The following SDK1 variants were observed in gnomAD, a reference collection of about 807,000 sequenced individuals.
The protein encoded by SDK1 is protein sidekick-1.
In SDK1, 157 loss-of-function variants were observed where a neutral mutation model predicts 245.5. That is an observed-to-expected ratio of 0.64 (90% confidence interval 0.56 to 0.73). SDK1 has a LOEUF of 0.73. Among genes scored for constraint, SDK1 ranks in the 30% least tolerant of loss-of-function variants. SDK1 has a pLI of 0.00. For synonymous variants in SDK1, 1,647 were observed against 1,278.5 expected (o/e 1.29, Z -6.15); for missense variants, 3,583 against 3,002.3 (o/e 1.19, Z -4.52).
intron 1 of SDK1, among the ~76,000 whole-genome samples, chr7:3,359,220 C>T (rs1207196749): frequency 6.6e-6 from 1 of 152,130 alleles, no homozygotes; most frequent in Non-Finnish European, 1.5e-5. Context: ...TGCCAAGTGG[C>T]CCCCTTCCTG....
rs1583664566 is a variant in SDK1, at chr7:3,967,371, A to G, written c.1483A>G (p.Met495Val). 4 of 1,614,034 alleles carry G rather than the reference A, an allele frequency of 2.5e-6. No individual in the cohort carries two copies. The highest frequency in any genetic ancestry group is 1.1e-5 in the South Asian group (1 of 91,086). ...AGTGGACACCACAGTTACTGACGGGATGACAGCCATTCTAAGGTGTGAGGT... is the reference window on the plus strand; with the variant it reads ...AGTGGACACCACAGTTACTGACGGGGTGACAGCCATTCTAAGGTGTGAGGT... ...RPVDTTVTDG[M>V]TAILRCEVSG... The change falls in exon 10 of 45, where the codon ATG becomes GTG. Residue 495 changes from methionine to valine, a missense_variant. Transcript: ENST00000404826.
chr7:3,443,496 A>G lies in SDK1; in HGVS notation c.298+141612A>G, dbSNP rs73293166. On this transcript the variant is annotated intron_variant, in intron 1 of 44. Coordinates refer to ENST00000404826, the MANE Select transcript of SDK1 (RefSeq NM_152744.4). ...CTGAATATTTTCCAGCTTGTAATTAACTGCACAGATGATGTGATCTGATTT... is the reference window on the plus strand; with the variant it reads ...CTGAATATTTTCCAGCTTGTAATTAGCTGCACAGATGATGTGATCTGATTT... 3.9e-3 allele frequency among the ~76,000 whole-genome samples: 590 copies of G among 152,292 alleles called. 6 individuals carry two copies. Among genetic ancestry groups the G allele is most frequent in the African/African-American group, 0.014 (579 of 41,570 alleles).
chr7:3,467,887 A>T (rs1023576751), intron 1 of SDK1, among the ~76,000 whole-genome samples: 1 of 152,150 alleles, frequency 6.6e-6, no homozygotes, highest in East Asian at 1.9e-4. Context: ...CTGAAAATGC[A>T]TCACAAGTTT....
At chr7:4,108,702 C>A (rs549914543) in intron 22 of SDK1, among the ~76,000 whole-genome samples, 79 of 152,210 alleles carry the variant, frequency 5.2e-4, no homozygotes, top group Non-Finnish European at 9.1e-4. Flanking sequence ...ATAAAATTAA[C>A]CATTTTAAAG....
intron 5 of SDK1, among the ~76,000 whole-genome samples, chr7:3,905,918 C>G (rs762181293): frequency 1.3e-5 from 2 of 152,208 alleles, no homozygotes; most frequent in African/African-American, 2.4e-5. Context: ...GCCACTGTAC[C>G]TGGCCTCAGT....
chr7:3,629,037 A>T (rs572916950), intron 2 of SDK1, among the ~76,000 whole-genome samples: 1 of 152,126 alleles, frequency 6.6e-6, no homozygotes, highest in East Asian at 1.9e-4. Flanking sequence ...TCACACCTAT[A>T]ATCCCAGCAC....
chr7:3,522,109 A>T (rs1193000158), intron 1 of SDK1, among the ~76,000 whole-genome samples: 2 of 150,378 alleles, frequency 1.3e-5, no homozygotes, highest in South Asian at 2.1e-4. Flanking sequence ...TACTTCATTA[A>T]CTCCTTCATT....
chr7:3,405,852 G>A (rs1230448670), intron 1 of SDK1, among the ~76,000 whole-genome samples: 3 of 128,840 alleles, frequency 2.3e-5, no homozygotes, highest in Admixed American at 9.0e-5. Flanking sequence ...TTGCTTTGTC[G>A]CCCAGGCTAT....
chr7:4,114,275 G>A lies in SDK1; in HGVS notation c.3823+1G>A, dbSNP rs1178173746. ...GTGCGGGGCCGGACGCGGGAGTCAG[G>A]TGAGGGGAAGGCGATTCCCATCCTG... On this transcript the variant is annotated splice_donor_variant, in intron 25 of 44. Transcript: ENST00000404826. LOFTEE classifies it high-confidence loss of function. 1 of 1,593,634 alleles carries A rather than the reference G, an allele frequency of 6.3e-7. No individual in the cohort carries two copies. Among genetic ancestry groups the A allele is most frequent in the South Asian group, 1.1e-5 (1 of 89,218 alleles).
intron 4 of SDK1, among the ~76,000 whole-genome samples, chr7:3,696,045 C>T (rs560015062): frequency 9.9e-5 from 15 of 152,280 alleles, no homozygotes; most frequent in South Asian, 2.1e-4. Context: ...CTCTTCTCCG[C>T]GTTCCGGTTT....
intron 1 of SDK1, among the ~76,000 whole-genome samples, chr7:3,524,892 A>C (rs1246607475): frequency 2.0e-5 from 3 of 152,196 alleles, no homozygotes; most frequent in Non-Finnish European, 4.4e-5. Flanking sequence ...CACATCTGTA[A>C]TCCCAGCAGA....
intron 5 of SDK1, 92 bp from the exon 6 acceptor site, chr7:3,950,831 C>A: frequency 1.1e-6 from 1 of 898,850 alleles, no homozygotes; most frequent in Non-Finnish European, 1.8e-6. Flanking sequence ...TTTAGGTATC[C>A]CCGGGGGTCT....
intron 8 of SDK1, among the ~76,000 whole-genome samples, chr7:3,961,109 T>C (rs1223403844): frequency 2.6e-5 from 4 of 152,260 alleles, no homozygotes; most frequent in Non-Finnish European, 4.4e-5. Context: ...GACTTACAAA[T>C]ATAGAGACAA....
intron 1 of SDK1, among the ~76,000 whole-genome samples, chr7:3,332,250 C>G (rs1049769307): frequency 6.6e-6 from 1 of 152,016 alleles, no homozygotes; most frequent in African/African-American, 2.4e-5. Context: ...ATTTTATTCT[C>G]GATGATTAAT....
chr7:3,418,522 G>A (rs1039239676), intron 1 of SDK1, among the ~76,000 whole-genome samples: 1 of 151,588 alleles, frequency 6.6e-6, no homozygotes, highest in African/African-American at 2.4e-5. Flanking sequence ...AAGACAGGTG[G>A]CATAAAAAAA....
At chr7:4,031,895 T>G (rs1418528045) in intron 17 of SDK1, among the ~76,000 whole-genome samples, 1 of 151,884 alleles carries the variant, frequency 6.6e-6, no homozygotes, top group African/African-American at 2.4e-5. Context: ...GGCATGGTGG[T>G]GCACGCCTAT....
intron 2 of SDK1, among the ~76,000 whole-genome samples, chr7:3,621,042 C>T (rs886995893): frequency 6.6e-6 from 1 of 152,118 alleles, no homozygotes; most frequent in Non-Finnish European, 1.5e-5. Context: ...GAGCCCTCCC[C>T]TCCCGTAAGT....
intron 22 of SDK1, among the ~76,000 whole-genome samples, chr7:4,105,732 T>C (rs112134190): frequency 0.01 from 1,553 of 152,278 alleles, 17 homozygotes; most frequent in Middle Eastern, 0.017. Context: ...AGTGAGAGGC[T>C]AAGAGGGATG....
chr7:4,126,317 A>T (rs1784387599), intron 25 of SDK1, among the ~76,000 whole-genome samples: 1 of 152,254 alleles, frequency 6.6e-6, no homozygotes, highest in Non-Finnish European at 1.5e-5. Context: ...CTTGTTTTTA[A>T]AGTTTCACTG....
Sources: gnomAD v4.1 joint callset for allele counts (sites outside exome capture counted in the v4.1 genomes callset) on GRCh38, gnomAD v4.1.1 for gene constraint, MANE v1.5 for transcripts, NCBI Gene and HGNC (gene_info 2026-07-23, HGNC 2026-07-21) for gene names.